The following RAP1GAP2 variants were observed in gnomAD, a reference collection of about 807,000 sequenced individuals.
The protein encoded by RAP1GAP2 is RAP1 GTPase activating protein 2.
Under a neutral mutation model 95.0 loss-of-function variants are expected in RAP1GAP2, and 27 were observed. That is an observed-to-expected ratio of 0.28 (90% CI 0.21 to 0.39). The LOEUF (loss-of-function observed/expected upper bound fraction) is 0.39. Among genes scored for constraint, RAP1GAP2 ranks in the 10% least tolerant of loss-of-function variants. RAP1GAP2 has a pLI of 1.00. For synonymous variants in RAP1GAP2, 373 were observed against 380.9 expected (o/e 0.98, Z 0.24); for missense variants, 771 against 970.0 (o/e 0.79, Z 2.72).
At chr17:2,955,485 C>T (rs908594334) in intron 3 of RAP1GAP2, among the ~76,000 whole-genome samples, 2 of 152,116 alleles carry the variant, frequency 1.3e-5, no homozygotes, top group Non-Finnish European at 2.9e-5. Flanking sequence ...CTTTTTCTGA[C>T]TGAGTTGTAA....
chr17:2,822,052 A>T (rs2070328291), intron 2 of RAP1GAP2, among the ~76,000 whole-genome samples: 1 of 152,140 alleles, frequency 6.6e-6, no homozygotes, highest in Non-Finnish European at 1.5e-5. Flanking sequence ...TGTCTGGGGC[A>T]GTGAGGATTT....
chr17:2,798,780 C>G (rs1235236850), intron 1 of RAP1GAP2, among the ~76,000 whole-genome samples: 1 of 152,212 alleles, frequency 6.6e-6, no homozygotes. Context: ...CCTCCTGAGG[C>G]CACACCCTGA....
chr17:2,954,407 T>C (rs2044036022), intron 3 of RAP1GAP2, among the ~76,000 whole-genome samples: 1 of 151,812 alleles, frequency 6.6e-6, no homozygotes, highest in South Asian at 2.1e-4. Flanking sequence ...CCTGGCCTTA[T>C]GTAAGAGTTT....
chr17:2,881,792 G>A (rs919867170), intron 2 of RAP1GAP2, among the ~76,000 whole-genome samples: 1 of 151,828 alleles, frequency 6.6e-6, no homozygotes, highest in African/African-American at 2.4e-5. Flanking sequence ...TCTCGATGAT[G>A]GCCATCCTAG....
At chr17:2,792,449 G>A (rs2068949413), upstream of RAP1GAP2, among the ~76,000 whole-genome samples, 1 of 152,198 alleles carries the variant, frequency 6.6e-6, no homozygotes, top group African/African-American at 2.4e-5. Context: ...ACTTGCCCAA[G>A]GTCGCTGGGC....
rs1375875709 is a variant in RAP1GAP2, at chr17:2,991,370, A to G, written c.887A>G (p.Asp296Gly). The G allele has an allele frequency of 6.2e-7, 1 of 1,603,476 alleles. No individual in the cohort carries two copies. The highest frequency in any genetic ancestry group is 8.5e-7 in the Non-Finnish European group (1 of 1,175,140). Reference protein sequence around the residue: ...AFKEFLDLLGDTITLQDFKGF... With the variant: ...AFKEFLDLLGGTITLQDFKGF... ...AAGGAGTTCTTGGACCTGCTGGGGG[A>G]CACGATCACACTGCAGGATTTCAAA... Residue 296 changes from aspartate (D) to glycine (G), a missense_variant, in exon 12 of 25, where the codon GAC becomes GGC. By Grantham distance (94) the Asp-to-Gly change is moderately conservative (BLOSUM62 -1). Transcript: ENST00000254695.
At chr17:3,028,468 G>A (rs887749202) in intron 22 of RAP1GAP2, among the ~76,000 whole-genome samples, 1 of 152,154 alleles carries the variant, frequency 6.6e-6, no homozygotes, top group African/African-American at 2.4e-5. Flanking sequence ...ATGACATTCG[G>A]TTGAAAAACT....
At chr17:2,784,372 G>A (rs1445125764) in intron 1 of RAP1GAP2, among the ~76,000 whole-genome samples, 1 of 152,090 alleles carries the variant, frequency 6.6e-6, no homozygotes, top group Non-Finnish European at 1.5e-5. Flanking sequence ...CCGGACTCAA[G>A]CGATTCTCCT....
chr17:2,905,167 G>A (rs1316500469), intron 2 of RAP1GAP2, 117 bp from the exon 3 acceptor site: 14 of 915,366 alleles, frequency 1.5e-5, no homozygotes, highest in Non-Finnish European at 2.1e-5. Context: ...ACTGGCGTGA[G>A]CCACCCAACC....
chr17:2,819,482 T>C (rs2070184477), intron 2 of RAP1GAP2, among the ~76,000 whole-genome samples: 1 of 151,476 alleles, frequency 6.6e-6, no homozygotes, highest in Non-Finnish European at 1.5e-5. Context: ...CACACTTTTT[T>C]TTTTCTTTTT....
chr17:3,001,995 CGCT>C, intron 14 of RAP1GAP2, among the ~76,000 whole-genome samples: 1 of 146,842 alleles, frequency 6.8e-6, no homozygotes, highest in African/African-American at 2.5e-5. Flanking sequence ...GAGACAGTCT[CGCT>C]GTCACCCAGG....
chr17:2,926,776 G>A (rs888770241), intron 3 of RAP1GAP2, among the ~76,000 whole-genome samples: 2 of 151,706 alleles, frequency 1.3e-5, no homozygotes, highest in Non-Finnish European at 2.9e-5. Context: ...AGGCCGAGGC[G>A]GGCGGATCAC....
At chr17:2,771,903 A>T (rs1021661657) in intron 2 of RAP1GAP2, among the ~76,000 whole-genome samples, 6 of 151,592 alleles carry the variant, frequency 4.0e-5, no homozygotes, top group Admixed American at 2.6e-4. Flanking sequence ...TAGAATATTA[A>T]TTTTTTTTTA....
At chr17:2,764,078 C>T (rs1055319157) in intron 1 of RAP1GAP2, among the ~76,000 whole-genome samples, 6 of 151,244 alleles carry the variant, frequency 4.0e-5, no homozygotes, top group Admixed American at 2.6e-4. Context: ...TAGCAACCTA[C>T]GATGATGTCA....
At chr17:2,897,921 C>CT (rs139128312) in intron 2 of RAP1GAP2, among the ~76,000 whole-genome samples, 2,206 of 135,158 alleles carry the variant, frequency 0.016, 58 homozygotes, top group African/African-American at 0.055. Flanking sequence ...TCTGCGGAGT[C>CT]TTTTTTTTTT....
intron 3 of RAP1GAP2, among the ~76,000 whole-genome samples, chr17:2,919,751 G>A (rs2042688447): frequency 6.6e-6 from 1 of 152,126 alleles, no homozygotes; most frequent in African/African-American, 2.4e-5. Flanking sequence ...TGCCCAGGCT[G>A]GAGTGCAGTA....
At chr17:2,950,144 C>T (rs1209070810) in intron 3 of RAP1GAP2, among the ~76,000 whole-genome samples, 2 of 151,912 alleles carry the variant, frequency 1.3e-5, no homozygotes, top group Admixed American at 1.3e-4. Context: ...ACCTCCACCT[C>T]CCAGGTTCAA....
At chr17:2,984,843 T>C in intron 10 of RAP1GAP2, 140 bp from the exon 11 acceptor site, 2 of 1,443,296 alleles carry the variant, frequency 1.4e-6, no homozygotes, top group Non-Finnish European at 1.8e-6. Context: ...TATTTCTCTC[T>C]CTCTCCCTCC....
intron 2 of RAP1GAP2, among the ~76,000 whole-genome samples, chr17:2,872,204 C>T (rs79683845): frequency 0.023 from 2,172 of 95,312 alleles, 65 homozygotes; most frequent in African/African-American, 0.073. Flanking sequence ...ACAGAATGAG[C>T]CTCTGTCTCA....
Sources: allele counts gnomAD v4.1 joint callset (sites outside exome capture counted in the v4.1 genomes callset), GRCh38; gene constraint gnomAD v4.1.1; transcripts MANE v1.5; gene names NCBI Gene and HGNC (gene_info 2026-07-23, HGNC 2026-07-21).